The following OSBPL5 variants were observed in gnomAD, a reference collection of about 807,000 sequenced individuals.
The protein encoded by OSBPL5 is oxysterol-binding protein-related protein 5.
A neutral mutation model predicts 111.2 loss-of-function variants in OSBPL5; 71 were observed. The ratio of observed to expected loss-of-function variants is 0.64; its 90% CI spans 0.53 to 0.78. The LOEUF is 0.78. OSBPL5 is among the 30% of genes least tolerant of loss of function. The pLI, the probability that OSBPL5 is intolerant of heterozygous loss-of-function variation, is 0.00. For synonymous variants in OSBPL5, 549 were observed against 513.9 expected, an observed-to-expected ratio of 1.07 and a Z score of -0.93; for missense variants, 1,210 against 1,189.3, an observed-to-expected ratio of 1.02 and a Z score of -0.26.
Position 3,141,267 on chromosome 11 carries a change from G to T in OSBPL5, c.-21-12098C>A, listed in dbSNP as rs1247418075. The stretch of plus-strand genomic sequence containing the variant: ...CGAGTCGTGATTGCTCCTGGACAAT[G>T]CACAGCGTCCTTTGACCAAGCGCCT... On this transcript the variant is annotated intron_variant, in intron 1 of 21. Coordinates refer to ENST00000263650, the MANE Select transcript of OSBPL5 (RefSeq NM_020896.4). The surrounding 1 kb of genome is among the most constrained non-coding windows in gnomAD (Gnocchi z 6.5). 1.3e-5 allele frequency among the ~76,000 whole-genome samples: 2 copies of T among 152,118 alleles called. No individual in the cohort carries two copies. The highest frequency in any genetic ancestry group is 3.9e-4 in the East Asian group (2 of 5,168).
chr11:3,115,941 G>C (rs963190369), intron 7 of OSBPL5, among the ~76,000 whole-genome samples: 3 of 147,176 alleles, frequency 2.0e-5, no homozygotes, highest in Non-Finnish European at 4.5e-5. Flanking sequence ...ACAATGACTT[G>C]TAATCCTACT....
At chr11:3,158,113 C>G (rs1846837560) in intron 1 of OSBPL5, among the ~76,000 whole-genome samples, 1 of 152,268 alleles carries the variant, frequency 6.6e-6, no homozygotes, top group Non-Finnish European at 1.5e-5. Context: ...GGCCCACATC[C>G]TGACGTTTCT....
chr11:3,117,545 A>ACCAGTCCT (rs919415031), intron 7 of OSBPL5, among the ~76,000 whole-genome samples: 5 of 152,216 alleles, frequency 3.3e-5, no homozygotes, highest in Admixed American at 2.0e-4. Flanking sequence ...AATAAAGCAA[A>ACCAGTCCT]CCAGTCCTAC....
At chr11:3,148,304 T>C (rs12099151) in intron 1 of OSBPL5, among the ~76,000 whole-genome samples, 17,325 of 152,282 alleles carry the variant, frequency 0.11, 2,181 homozygotes, top group African/African-American at 0.3. Context: ...ACCTTCCCCA[T>C]TCCTTCTACT....
chr11:3,128,123 GCTGGGACTCCGTTTTTC>G, intron 2 of OSBPL5, among the ~76,000 whole-genome samples: 1 of 152,356 alleles, frequency 6.6e-6, no homozygotes, highest in Admixed American at 6.5e-5. Flanking sequence ...CCACCTCTAC[GCTGGGACTCCGTTTTTC>G]CATCTATTGG....
rs571001727 is a variant in OSBPL5, at chr11:3,161,623, G to A, written c.-22+3593C>T. Among the ~76,000 whole-genome samples, 5 of 152,200 alleles carry A rather than the reference G, an allele frequency of 3.3e-5. No homozygotes were observed. The highest frequency in any genetic ancestry group is 1.2e-4 in the African/African-American group (5 of 41,522). ...AACCGTGCATGGGGACAGACACCGC[G>A]CACCAGCGGCACCCACCAGGGACAG... is the stretch of plus-strand genomic sequence containing the variant. On this transcript the variant is annotated intron_variant, in intron 1 of 21. Transcript: ENST00000263650. This position sits in a 1 kb window ranked among gnomAD's most constrained non-coding sequence, Gnocchi z 8.0.
Position 3,110,316 on chromosome 11 carries a change from G to A in OSBPL5, c.692-2371C>T, listed in dbSNP as rs1040801912. Among the ~76,000 whole-genome samples the A allele has an allele frequency of 6.6e-6, 1 of 152,224 alleles. No individual in the cohort carries two copies. Among genetic ancestry groups the A allele is most frequent in the African/African-American group, 2.4e-5 (1 of 41,452 alleles). ...CAGAGCAGCCACTGGAGGGCGAGGT[G>A]GGGTAGGGCCCCAACCTCAGGTTAG... On this transcript the variant is annotated intron_variant, in intron 7 of 21. Coordinates refer to ENST00000263650, the MANE Select transcript of OSBPL5 (RefSeq NM_020896.4). This position sits in a 1 kb window ranked among gnomAD's most constrained non-coding sequence, Gnocchi z 5.3.
Position 3,107,222 on chromosome 11 carries a change from G to T in OSBPL5, c.1059+41C>A. 2 of 1,596,130 alleles carry T rather than the reference G, an allele frequency of 1.3e-6. No individual in the cohort carries two copies. On this transcript the variant is annotated intron_variant, in intron 9 of 21. Coordinates refer to ENST00000263650, the MANE Select transcript of OSBPL5 (RefSeq NM_020896.4). The surrounding 1 kb of genome is among the most constrained non-coding windows in gnomAD (Gnocchi z 6.1). ...TCTGCTTCCGGAACAAGGGGCCGAG[G>T]CAGGGGAGACGCTTGGGGCTCCTGG...
At position 3,126,801 on chromosome 11, in the gene OSBPL5, G is replaced by A. The variant is rs1373305052; in HGVS notation, c.137-246C>T. Among the ~76,000 whole-genome samples, 1 of 152,224 alleles carries A rather than the reference G, an allele frequency of 6.6e-6. No homozygotes were observed. Among genetic ancestry groups the A allele is most frequent in the Non-Finnish European group, 1.5e-5 (1 of 68,044 alleles). The stretch of plus-strand genomic sequence containing the variant: ...CTCCAGGACCTACAGGGAGGAAGCT[G>A]GGACAGGAGCTGGTAGGAACCGGCA... On this transcript the variant is annotated intron_variant, in intron 2 of 21. Transcript: ENST00000263650. This position sits in a 1 kb window ranked among gnomAD's most constrained non-coding sequence, Gnocchi z 6.5.
chr11:3,131,002 G>A lies in OSBPL5; in HGVS notation c.-21-1833C>T, dbSNP rs1295490696. On this transcript the variant is annotated intron_variant, in intron 1 of 21. Coordinates refer to ENST00000263650, the MANE Select transcript of OSBPL5 (RefSeq NM_020896.4). ...ATCCTGCTCTCAGGACCCACAGAGA[G>A]CCCCGGAATGTCCCAGGCAGTGTGG... Among the ~76,000 whole-genome samples the A allele has an allele frequency of 3.3e-5, 5 of 152,146 alleles. 1 individual carries two copies. Among genetic ancestry groups the A allele is most frequent in the Admixed American group, 3.3e-4 (5 of 15,274 alleles).
intron 6 of OSBPL5, 109 bp downstream of exon 6, chr11:3,120,312 G>A: frequency 7.3e-7 from 1 of 1,373,500 alleles, no homozygotes; most frequent in Non-Finnish European, 9.9e-7. Flanking sequence ...CCTGCTCAAG[G>A]CCCCAAGGGG....
At chr11:3,112,056 C>T (rs4130267) in intron 7 of OSBPL5, among the ~76,000 whole-genome samples, 3 of 32,092 alleles carry the variant, frequency 9.3e-5, no homozygotes, top group African/African-American at 1.9e-4. Context: ...CATGTGTGTG[C>T]ATGTGTATGT....
chr11:3,127,466 G>A (rs1357312278), intron 2 of OSBPL5, among the ~76,000 whole-genome samples: 1 of 152,116 alleles, frequency 6.6e-6, no homozygotes, highest in Non-Finnish European at 1.5e-5. Flanking sequence ...CAGGACGGTG[G>A]CCTGAGGAAG....
chr11:3,094,735 T>G, intron 14 of OSBPL5: 8 of 173,910 alleles, frequency 4.6e-5, no homozygotes, highest in Non-Finnish European at 7.4e-5. Flanking sequence ...GACTCTGCAG[T>G]TCCCGCTCTG....
chr11:3,129,323 G>T (rs1858746008), intron 1 of OSBPL5, 154 bp from the exon 2 acceptor site: 1 of 684,130 alleles, frequency 1.5e-6, no homozygotes, highest in South Asian at 3.2e-5. Flanking sequence ...CTGGTGGTGG[G>T]TGGTCAGCCA....
intron 12 of OSBPL5, 85 bp downstream of exon 12, chr11:3,102,098 C>T: frequency 2.8e-6 from 4 of 1,421,508 alleles, no homozygotes; most frequent in Non-Finnish European, 3.8e-6. Context: ...ACGCTTGCCC[C>T]TGCCTGCTGC....
At chr11:3,102,103 T>G (rs1197240129) in intron 12 of OSBPL5, 80 bp downstream of exon 12, 2 of 1,442,800 alleles carry the variant, frequency 1.4e-6, no homozygotes, top group Non-Finnish European at 1.9e-6. Context: ...TGCCCCTGCC[T>G]GCTGCCAGGG....
intron 19 of OSBPL5, among the ~76,000 whole-genome samples, chr11:3,091,734 G>C (rs1023916456): frequency 2.6e-5 from 4 of 152,178 alleles, no homozygotes; most frequent in African/African-American, 9.7e-5. Flanking sequence ...CAGCCAAGGA[G>C]ATACCGCGGC....
intron 1 of OSBPL5, among the ~76,000 whole-genome samples, chr11:3,152,287 A>AT (rs1846616579): frequency 6.6e-6 from 1 of 152,222 alleles, no homozygotes; most frequent in Non-Finnish European, 1.5e-5. Context: ...GGTGACGTTG[A>AT]TTTTTTAACC....
Sources: allele counts gnomAD v4.1 joint callset (sites outside exome capture counted in the v4.1 genomes callset), GRCh38; gene constraint gnomAD v4.1.1; non-coding constraint Gnocchi (gnomAD v3.1); transcripts MANE v1.5; gene names NCBI Gene and HGNC (gene_info 2026-07-23, HGNC 2026-07-21).